PDS5B: variants seen among roughly 807,000 people sequenced by gnomAD.
PDS5B encodes PDS5 cohesin associated factor B, also known as sister chromatid cohesion protein PDS5 homolog B.
Under a neutral mutation model 184.1 loss-of-function variants are expected in PDS5B, and 51 were observed. That is an observed-to-expected ratio of 0.28 (90% confidence interval 0.22 to 0.35). PDS5B has a LOEUF of 0.35. PDS5B is among the 10% of genes least tolerant of loss of function. The pLI is 1.00. For missense variants in PDS5B, 1,180 were observed against 1,723.3 expected, an observed-to-expected ratio of 0.68 and a Z score of 5.58; for synonymous variants, 566 against 569.2, an observed-to-expected ratio of 0.99 and a Z score of 0.08.
chr13:32,666,148 T>C (rs1950789373), intron 6 of PDS5B, among the ~76,000 whole-genome samples: 1 of 152,222 alleles, frequency 6.6e-6, no homozygotes, highest in Non-Finnish European at 1.5e-5. Flanking sequence ...TGGTGCAATC[T>C]CAGCTCACTG....
intron 1 of PDS5B, among the ~76,000 whole-genome samples, chr13:32,632,074 C>T (rs1302179134): frequency 6.6e-6 from 1 of 152,022 alleles, no homozygotes; most frequent in East Asian, 1.9e-4. Flanking sequence ...TCAAAATGAT[C>T]AATGATGTAA....
intron 1 of PDS5B, among the ~76,000 whole-genome samples, chr13:32,613,713 C>G (rs1258196329): frequency 6.6e-6 from 1 of 152,144 alleles, no homozygotes; most frequent in Non-Finnish European, 1.5e-5. Context: ...ATGGTAGCTT[C>G]TGAAGCACAA....
chr13:32,655,374 ATTTTT>A (rs1228814649), intron 3 of PDS5B, among the ~76,000 whole-genome samples: 9 of 72,454 alleles, frequency 1.2e-4, no homozygotes, highest in South Asian at 6.6e-4. Flanking sequence ...ATATATATAT[ATTTTT>A]TTTTTTTTTT....
At chr13:32,758,383 A>G (rs1954261321) in intron 27 of PDS5B, 151 bp from the exon 28 acceptor site, 1 of 926,672 alleles carries the variant, frequency 1.1e-6, no homozygotes, top group African/African-American at 1.7e-5. Context: ...TAAATGAGCA[A>G]AACCAGTAGT....
intron 12 of PDS5B, among the ~76,000 whole-genome samples, chr13:32,687,627 G>C (rs574744013): frequency 6.6e-6 from 1 of 152,068 alleles, no homozygotes; most frequent in Non-Finnish European, 1.5e-5. Context: ...ACTTTAAAAA[G>C]CTGTTGAATT....
intron 1 of PDS5B, among the ~76,000 whole-genome samples, chr13:32,610,962 C>G (rs1250386087): frequency 6.6e-6 from 1 of 151,578 alleles, no homozygotes; most frequent in Non-Finnish European, 1.5e-5. Flanking sequence ...TTAAGTGAGG[C>G]TGAAATTATC....
intron 19 of PDS5B, among the ~76,000 whole-genome samples, chr13:32,725,169 G>A (rs1952855120): frequency 6.6e-6 from 1 of 152,142 alleles, no homozygotes; most frequent in South Asian, 2.1e-4. Flanking sequence ...TTTAGGAAAG[G>A]CAGAATAAAT....
chr13:32,714,440 G>A (rs1952307302), intron 19 of PDS5B, among the ~76,000 whole-genome samples: 1 of 152,174 alleles, frequency 6.6e-6, no homozygotes, highest in Non-Finnish European at 1.5e-5. Flanking sequence ...AGATCAACCG[G>A]TCTGACCAAA....
chr13:32,748,768 C>A (rs1283573190), intron 24 of PDS5B, among the ~76,000 whole-genome samples: 1 of 151,846 alleles, frequency 6.6e-6, no homozygotes, highest in African/African-American at 2.4e-5. Flanking sequence ...ACATGAAGAG[C>A]CTATATAAGT....
At chr13:32,721,105 A>G (rs138708361) in intron 19 of PDS5B, among the ~76,000 whole-genome samples, 1,601 of 152,306 alleles carry the variant, frequency 0.011, 40 homozygotes, top group African/African-American at 0.036. Flanking sequence ...CCTCTTTTCT[A>G]TTCGACAAAA....
intron 18 of PDS5B, among the ~76,000 whole-genome samples, chr13:32,708,063 C>T (rs1343193245): frequency 1.7e-5 from 2 of 119,238 alleles, no homozygotes; most frequent in African/African-American, 6.6e-5. Flanking sequence ...ACTCCCCGTT[C>T]CCTAGGAATT....
At chr13:32,638,963 G>T (rs750574969) in intron 1 of PDS5B, among the ~76,000 whole-genome samples, 9 of 152,006 alleles carry the variant, frequency 5.9e-5, no homozygotes, top group South Asian at 2.1e-4. Flanking sequence ...ACATGGGGGC[G>T]TGGGGCGGGG....
chr13:32,673,948 T>C (rs1951001788), intron 8 of PDS5B, among the ~76,000 whole-genome samples: 1 of 9,530 alleles, frequency 1.0e-4, no homozygotes, highest in South Asian at 6.8e-3. Context: ...CCCAAGTAGC[T>C]GGGACTACAG....
chr13:32,686,190 A>G (rs1951382502), intron 11 of PDS5B, among the ~76,000 whole-genome samples: 2 of 152,254 alleles, frequency 1.3e-5, no homozygotes, highest in Non-Finnish European at 1.5e-5. Context: ...ATGTAAAATT[A>G]AAGAATGAAC....
At chr13:32,625,946 C>G (rs1331833802) in intron 1 of PDS5B, among the ~76,000 whole-genome samples, 1 of 151,114 alleles carries the variant, frequency 6.6e-6, no homozygotes, top group Non-Finnish European at 1.5e-5. Flanking sequence ...TCAAGCGATT[C>G]TTGTGCCTCA....
At chr13:32,659,348 G>C (rs1950588665) in intron 6 of PDS5B, 68 bp downstream of exon 6, 5 of 1,213,312 alleles carry the variant, frequency 4.1e-6, no homozygotes, top group Admixed American at 4.8e-5. Context: ...TTTGTGCTTA[G>C]GTTCTAAATA....
At chr13:32,610,993 CT>C (rs368980002) in intron 1 of PDS5B, among the ~76,000 whole-genome samples, 2,484 of 144,758 alleles carry the variant, frequency 0.017, 43 homozygotes, top group South Asian at 0.088. Context: ...TTAGAGCCAT[CT>C]TTTTTTTTTT....
intron 1 of PDS5B, among the ~76,000 whole-genome samples, chr13:32,614,249 T>C (rs1281220065): frequency 6.6e-6 from 1 of 152,180 alleles, no homozygotes; most frequent in Non-Finnish European, 1.5e-5. Context: ...GATGAGCTTA[T>C]CCGTTTCAGC....
intron 24 of PDS5B, among the ~76,000 whole-genome samples, chr13:32,753,084 G>GT (rs1394942149): frequency 1.3e-5 from 2 of 152,028 alleles, no homozygotes; most frequent in Non-Finnish European, 2.9e-5. Context: ...ATATTTACTA[G>GT]TTTTTTTCTG....
Sources: gnomAD v4.1 joint callset for allele counts (sites outside exome capture counted in the v4.1 genomes callset) on GRCh38, gnomAD v4.1.1 for gene constraint, MANE v1.5 for transcripts, NCBI Gene and HGNC (gene_info 2026-07-23, HGNC 2026-07-21) for gene names.